Variants in TAFA4 observed in about 807,000 individuals in gnomAD.
TAFA4 encodes TAFA chemokine like family member 4.
A neutral mutation model predicts 21.1 loss-of-function variants in TAFA4; 20 were observed. The observed-to-expected ratio is 0.95, with a 90% CI of 0.67 to 1.38. The LOEUF (loss-of-function observed/expected upper bound fraction) is 1.38. TAFA4 is among the 40% of genes most tolerant of loss of function. The pLI, the probability that TAFA4 is intolerant of heterozygous loss-of-function variation, is 0.00. For missense variants in TAFA4, 211 were observed against 180.9 expected (o/e 1.17, Z -0.95); for synonymous variants, 71 against 67.4 (o/e 1.05, Z -0.26).
intron 3 of TAFA4, among the ~76,000 whole-genome samples, chr3:68,852,011 A>C (rs1217911548): frequency 6.6e-6 from 1 of 152,030 alleles, no homozygotes; most frequent in Non-Finnish European, 1.5e-5. Flanking sequence ...GCCCAGGAAT[A>C]TGTGTTTTAA....
intron 3 of TAFA4, among the ~76,000 whole-genome samples, chr3:68,839,496 A>T (rs1418825499): frequency 6.6e-6 from 1 of 152,182 alleles, no homozygotes; most frequent in East Asian, 1.9e-4. Context: ...GGCAGGTATG[A>T]CCCTCTGACT....
intron 3 of TAFA4, among the ~76,000 whole-genome samples, chr3:68,847,006 T>C (rs896149485): frequency 1.3e-5 from 2 of 152,264 alleles, no homozygotes; most frequent in East Asian, 1.9e-4. Flanking sequence ...AGGGACCCAG[T>C]TGAGGAGGCA....
At chr3:68,766,271 C>A (rs1393660595) in intron 3 of TAFA4, among the ~76,000 whole-genome samples, 1 of 152,006 alleles carries the variant, frequency 6.6e-6, no homozygotes, top group Non-Finnish European at 1.5e-5. Flanking sequence ...CACCTGCACA[C>A]ATAAACACAC....
rs577894523 is a variant in TAFA4, at chr3:68,740,465, T to C, written c.287-1266A>G. On this transcript the variant is annotated intron_variant, in intron 4 of 5. Coordinates refer to ENST00000295569, the MANE Select transcript of TAFA4 (RefSeq NM_182522.5). ...GGCCTGGCATTCCTTCACCTTTTCA[T>C]ATGCCTGTTAGTCATTTGTATGTCT... Among the ~76,000 whole-genome samples the C allele has an allele frequency of 2.8e-4, 42 of 152,320 alleles. No individual in the cohort carries two copies. In the South Asian group the frequency reaches 7.3e-3, roughly 26 times the overall value.
chr3:68,790,185 TC>T (rs60279067), intron 3 of TAFA4, among the ~76,000 whole-genome samples: 30,774 of 151,996 alleles, frequency 0.2, 3,964 homozygotes, highest in East Asian at 0.6. Context: ...TTGTGAGGCT[TC>T]TACGTTTTGC....
chr3:68,863,027 A>T (rs1471946588), intron 3 of TAFA4, among the ~76,000 whole-genome samples: 2 of 151,080 alleles, frequency 1.3e-5, no homozygotes, highest in African/African-American at 4.9e-5. Flanking sequence ...TGAGAGCAGG[A>T]GTTCAAAACC....
chr3:68,931,011 C>T (rs190187420), intron 1 of TAFA4, among the ~76,000 whole-genome samples: 1 of 152,322 alleles, frequency 6.6e-6, no homozygotes, highest in Admixed American at 6.5e-5. Flanking sequence ...GGGGGCCAAA[C>T]GAAGATGCGT....
chr3:68,788,847 C>G (rs1703311018), intron 3 of TAFA4, among the ~76,000 whole-genome samples: 2 of 152,128 alleles, frequency 1.3e-5, no homozygotes, highest in African/African-American at 4.8e-5. Flanking sequence ...TGGTCTTGAA[C>G]TCCTGGGCTC....
At chr3:68,808,108 G>C (rs927918801) in intron 3 of TAFA4, among the ~76,000 whole-genome samples, 6 of 152,180 alleles carry the variant, frequency 3.9e-5, no homozygotes, top group African/African-American at 4.8e-5. Context: ...GGTGGGGTTT[G>C]ATGAAGTTGA....
chr3:68,917,753 C>CCAAAA (rs764665164), intron 1 of TAFA4, among the ~76,000 whole-genome samples: 26 of 58,194 alleles, frequency 4.5e-4, no homozygotes, highest in African/African-American at 1.7e-3. Context: ...GACTCTGTCT[C>CCAAAA]AAAAAAAAAA....
At chr3:68,756,396 A>G (rs2106758613) in intron 3 of TAFA4, among the ~76,000 whole-genome samples, 1 of 152,370 alleles carries the variant, frequency 6.6e-6, no homozygotes, top group South Asian at 2.1e-4. Flanking sequence ...AAGCAATTTC[A>G]TCTACTCATT....
chr3:68,805,532 A>G (rs542707676), intron 3 of TAFA4, among the ~76,000 whole-genome samples: 30 of 152,332 alleles, frequency 2.0e-4, no homozygotes, highest in African/African-American at 7.0e-4. Context: ...ACTATTCACA[A>G]TAGCAAAGAC....
At chr3:68,753,115 C>A in intron 3 of TAFA4, 97 bp from the exon 4 acceptor site, 2 of 1,082,874 alleles carry the variant, frequency 1.8e-6, no homozygotes, top group Non-Finnish European at 2.7e-6. Context: ...TTTCCAACTT[C>A]CTGTGCTATG....
At chr3:68,917,753 C>CAAAA (rs55853026) in intron 1 of TAFA4, among the ~76,000 whole-genome samples, 57 of 58,064 alleles carry the variant, frequency 9.8e-4, no homozygotes, top group East Asian at 1.7e-3. Flanking sequence ...GACTCTGTCT[C>CAAAA]AAAAAAAAAA....
At chr3:68,859,372 T>A (rs1361030583) in intron 3 of TAFA4, among the ~76,000 whole-genome samples, 1 of 152,170 alleles carries the variant, frequency 6.6e-6, no homozygotes, top group East Asian at 1.9e-4. Context: ...ACACTTAACC[T>A]GTTTCTTAAT....
At chr3:68,763,983 TA>T (rs2106771219) in intron 3 of TAFA4, among the ~76,000 whole-genome samples, 1 of 152,250 alleles carries the variant, frequency 6.6e-6, no homozygotes, top group East Asian at 1.9e-4. Flanking sequence ...TATACTGAGA[TA>T]CAACTTACTT....
At position 68,895,155 on chromosome 3, in the gene TAFA4, G is replaced by T. The variant is rs145583541; in HGVS notation, c.-122-9845C>A. 2.8e-3 allele frequency among the ~76,000 whole-genome samples: 419 copies of T among 152,248 alleles called. 3 individuals are homozygous for T. The East Asian group carries it at 0.041, about 15-fold the overall frequency. On this transcript the variant is annotated intron_variant, in intron 1 of 5. Transcript: ENST00000295569. ...TGGGATTACAGGCGCCCGCCACCAT[G>T]CCCAGCTAATTTTTGTATTTTTAGC...
intron 3 of TAFA4, among the ~76,000 whole-genome samples, chr3:68,822,531 T>C (rs978963706): frequency 6.6e-6 from 1 of 152,170 alleles, no homozygotes; most frequent in African/African-American, 2.4e-5. Flanking sequence ...AGTGCAGGGG[T>C]GCAATCATAG....
At chr3:68,919,254 G>C (rs372085312) in intron 1 of TAFA4, among the ~76,000 whole-genome samples, 4 of 152,198 alleles carry the variant, frequency 2.6e-5, no homozygotes, top group African/African-American at 4.8e-5. Flanking sequence ...TGCCCCAGTA[G>C]GACTGTGCAG....
Sources: allele counts gnomAD v4.1 joint callset (sites outside exome capture counted in the v4.1 genomes callset), GRCh38; gene constraint gnomAD v4.1.1; transcripts MANE v1.5; gene names NCBI Gene and HGNC (gene_info 2026-07-23, HGNC 2026-07-21).